The following SGK1 variants were observed in gnomAD, a reference collection of about 807,000 sequenced individuals.
SGK1 encodes serum/glucocorticoid regulated kinase 1, also known as serine/threonine-protein kinase Sgk1.
SGK1 carries 26 observed loss-of-function variants against 64.2 expected under a neutral mutation model. The observed-to-expected ratio is 0.40, with a 90% CI of 0.30 to 0.56. SGK1 has a LOEUF of 0.56. Among genes scored for constraint, SGK1 ranks in the 20% least tolerant of loss-of-function variants. The probability of loss-of-function intolerance (pLI) is 0.38; values close to 1 mark genes in which losing one functional copy is unlikely to be tolerated. For missense variants in SGK1, 519 were observed against 645.6 expected (o/e 0.80, Z 2.12); for synonymous variants, 265 against 239.7 (o/e 1.11, Z -0.98).
At chr6:134,254,030 C>T (rs995972361) in intron 2 of SGK1, among the ~76,000 whole-genome samples, 2 of 151,316 alleles carry the variant, frequency 1.3e-5, no homozygotes, top group Non-Finnish European at 2.9e-5. Flanking sequence ...TGGCATGCAG[C>T]GCCTCTGGAA....
At chr6:134,226,293 A>ACAGT in intron 2 of SGK1, among the ~76,000 whole-genome samples, 1 of 152,306 alleles carries the variant, frequency 6.6e-6, no homozygotes, top group South Asian at 2.1e-4. Context: ...AATCTGGAAA[A>ACAGT]CAGTCAAAAG....
intron 3 of SGK1, among the ~76,000 whole-genome samples, chr6:134,185,103 T>C (rs181128829): frequency 6.6e-6 from 1 of 152,364 alleles, no homozygotes; most frequent in Admixed American, 6.5e-5. Context: ...ACCCCCTCTA[T>C]GGACGATATC....
intron 2 of SGK1, among the ~76,000 whole-genome samples, chr6:134,217,559 G>A (rs1409814646): frequency 6.6e-6 from 1 of 152,192 alleles, no homozygotes. Context: ...CACCGGTCAA[G>A]ATGGAATGTG....
chr6:134,209,049 A>T (rs1217368704), intron 2 of SGK1, among the ~76,000 whole-genome samples: 2 of 152,232 alleles, frequency 1.3e-5, no homozygotes, highest in East Asian at 3.9e-4. Flanking sequence ...TTGTACTCAG[A>T]TACAATTAAT....
In SGK1 at chr6:134,172,326, A is replaced by T. The variant is rs755939511; in HGVS notation, c.948-10T>A. 3.7e-6 allele frequency: 6 copies of T among 1,607,760 alleles called. No individual in the cohort carries two copies. The highest frequency in any genetic ancestry group is 4.2e-6 in the Non-Finnish European group (5 of 1,177,328). On this transcript the variant is annotated splice_polypyrimidine_tract_variant and intron_variant, in intron 9 of 13. Transcript: ENST00000367858. ...CTCTGGTTTTAAGTCTCTGTAAAAAAGTGAATAGAAAAGTAGTTGCACAAG... is the reference window on the plus strand; with the variant it reads ...CTCTGGTTTTAAGTCTCTGTAAAAATGTGAATAGAAAAGTAGTTGCACAAG...
intron 3 of SGK1, among the ~76,000 whole-genome samples, chr6:134,181,002 C>G (rs1188340241): frequency 1.3e-5 from 2 of 152,002 alleles, no homozygotes; most frequent in Non-Finnish European, 2.9e-5. Flanking sequence ...AGCATTCAAA[C>G]AAGAAACAGG....
intron 1 of SGK1, among the ~76,000 whole-genome samples, chr6:134,291,400 G>A (rs1777262668): frequency 6.6e-6 from 1 of 152,130 alleles, no homozygotes; most frequent in Non-Finnish European, 1.5e-5. Flanking sequence ...CCCAAACTAA[G>A]TTGTTATCTG....
At chr6:134,235,909 T>C (rs754838945) in intron 2 of SGK1, among the ~76,000 whole-genome samples, 4 of 152,062 alleles carry the variant, frequency 2.6e-5, no homozygotes, top group Non-Finnish European at 4.4e-5. Flanking sequence ...GATCAAGCAT[T>C]AAACTGTGAA....
chr6:134,260,854 G>A (rs1004926806), intron 2 of SGK1: 3 of 152,080 alleles, frequency 2.0e-5, no homozygotes, highest in African/African-American at 4.8e-5. Flanking sequence ...GGTTATTAAC[G>A]TTTATCATTC....
At chr6:134,297,049 C>T (rs1196490772) in intron 1 of SGK1, 1 of 453,258 alleles carries the variant, frequency 2.2e-6, no homozygotes, top group South Asian at 1.8e-5. Context: ...TTGCGGGTCT[C>T]GATCTTCTTC....
In SGK1 at chr6:134,169,291, T is replaced by G. The variant is rs1258771163; in HGVS notation, c.*977A>C. 1.3e-5 allele frequency: 2 copies of G among 152,608 alleles called. No homozygotes were observed. The highest frequency in any genetic ancestry group is 2.9e-5 in the Non-Finnish European group (2 of 68,028). The allele number at this position is 152,608 out of a possible 1,614,324, so 9.5% of individuals were successfully genotyped here. A position where few individuals can be genotyped will look rare whatever the true frequency, so the allele number is the denominator to read the frequency against. On this transcript the variant is annotated 3_prime_UTR_variant, in exon 14 of 14. Transcript: ENST00000367858. ...GGTTTTATTGCAAACCAAAATCAGT[T>G]TATCACACACAAAAAAAGTTGTGTG...
chr6:134,199,112 C>G (rs746617279), intron 3 of SGK1, among the ~76,000 whole-genome samples: 3 of 151,986 alleles, frequency 2.0e-5, no homozygotes, highest in Non-Finnish European at 2.9e-5. Context: ...ATGATGAGAA[C>G]TTAGAAACAC....
chr6:134,172,950 A>G, intron 8 of SGK1, 73 bp downstream of exon 8: 2 of 1,531,004 alleles, frequency 1.3e-6, no homozygotes, highest in South Asian at 2.4e-5. Context: ...ATCTTTGAAA[A>G]CTTTTTTCTC....
At chr6:134,195,074 T>C (rs1775576574) in intron 3 of SGK1, among the ~76,000 whole-genome samples, 1 of 152,206 alleles carries the variant, frequency 6.6e-6, no homozygotes. Context: ...ATTTTTTAAG[T>C]GAGAAAATTT....
At chr6:134,234,979 T>G (rs539231316) in intron 2 of SGK1, among the ~76,000 whole-genome samples, 3 of 152,170 alleles carry the variant, frequency 2.0e-5, no homozygotes, top group African/African-American at 7.2e-5. Flanking sequence ...AAAAGACCAA[T>G]GAGGAGAGGC....
At chr6:134,212,605 G>C (rs1775910282) in intron 2 of SGK1, among the ~76,000 whole-genome samples, 1 of 152,124 alleles carries the variant, frequency 6.6e-6, no homozygotes, top group African/African-American at 2.4e-5. Flanking sequence ...GCCAGGGTTA[G>C]ATAATAGTCA....
At position 134,262,071 on chromosome 6, in the gene SGK1, G is replaced by A; in HGVS notation, c.147C>T (p.Ser49=). The A allele has an allele frequency of 1.2e-6, 2 of 1,613,694 alleles. No individual in the cohort carries two copies. The highest frequency in any genetic ancestry group is 1.7e-6 in the Non-Finnish European group (2 of 1,179,598). The change falls in exon 2 of 14, where the codon TCC becomes TCT. Residue 49 remains serine (S), a synonymous_variant. Transcript: ENST00000367858. ...GCTCCCCTGGAGGGATGTGCACCAT[G>A]GAGGAGCCGGTGTACTTCAGGCTGG... ...QSPSLKYTGS[S]MVHIPPGEPD... is the part of the protein sequence containing the mutation.
intron 3 of SGK1, among the ~76,000 whole-genome samples, chr6:134,206,095 C>T (rs1167411249): frequency 6.6e-6 from 1 of 151,936 alleles, no homozygotes; most frequent in Non-Finnish European, 1.5e-5. Flanking sequence ...TGGCATTCTT[C>T]TGATTCTGAT....
intron 3 of SGK1, among the ~76,000 whole-genome samples, chr6:134,192,261 G>A (rs1043977832): frequency 6.6e-6 from 1 of 151,944 alleles, no homozygotes; most frequent in African/African-American, 2.4e-5. Flanking sequence ...CACCATGCCC[G>A]GCCTAAGAGC....
Sources: allele counts gnomAD v4.1 joint callset (sites outside exome capture counted in the v4.1 genomes callset), GRCh38; gene constraint gnomAD v4.1.1; transcripts MANE v1.5; gene names NCBI Gene and HGNC (gene_info 2026-07-23, HGNC 2026-07-21).